MID1: variants seen among roughly 807,000 people sequenced by gnomAD.
MID1 encodes E3 ubiquitin-protein ligase Midline-1.
In MID1, 7 loss-of-function variants were observed where a neutral mutation model predicts 40.4. The ratio of observed to expected loss-of-function variants is 0.17; its 90% CI spans 0.10 to 0.33. The LOEUF (loss-of-function observed/expected upper bound fraction) is 0.33, where lower values mean the gene tolerates loss of function less well. Ranked by LOEUF, MID1 falls within the 10% of genes least tolerant of loss-of-function variation. The pLI is 1.00. For missense variants in MID1, 367 were observed against 558.5 expected (o/e 0.66, Z 3.46); for synonymous variants, 229 against 221.2 (o/e 1.04, Z -0.31).
chrX:10,724,580 T>C (rs1482030654), intron 1 of MID1, among the ~76,000 whole-genome samples: 1 of 112,225 alleles, frequency 8.9e-6, no homozygotes, highest in African/African-American at 3.2e-5. Flanking sequence ...GAGGGCAAGA[T>C]CTTTCCCAAC....
At chrX:10,779,016 T>C (rs974598096) in intron 1 of MID1, among the ~76,000 whole-genome samples, 2 of 112,381 alleles carry the variant, frequency 1.8e-5, no homozygotes, top group Non-Finnish European at 3.8e-5. Flanking sequence ...GTGCAGCACA[T>C]AGGTCATGGC....
At chrX:10,582,092 T>A (rs1007288513) in intron 1 of MID1, among the ~76,000 whole-genome samples, 6 of 111,647 alleles carry the variant, frequency 5.4e-5, no homozygotes, top group African/African-American at 9.8e-5. Flanking sequence ...GTTCTGTTGG[T>A]TCCCCTTGTT....
chrX:10,763,995 C>G (rs2043701469), intron 1 of MID1, among the ~76,000 whole-genome samples: 1 of 111,475 alleles, frequency 9.0e-6, no homozygotes, highest in African/African-American at 3.3e-5. Flanking sequence ...TATCCTTCAC[C>G]CACTTGTTGA....
At chrX:10,614,126 A>G (rs1935800483) in intron 1 of MID1, among the ~76,000 whole-genome samples, 1 of 110,930 alleles carries the variant, frequency 9.0e-6, no homozygotes, top group African/African-American at 3.3e-5. Flanking sequence ...AAGCAGACAA[A>G]CGAGTAGAAA....
intron 1 of MID1, among the ~76,000 whole-genome samples, chrX:10,689,559 A>G (rs184662475): frequency 9.0e-6 from 1 of 111,567 alleles, no homozygotes; most frequent in Admixed American, 9.6e-5. Flanking sequence ...ACCTACATTT[A>G]TATCTATACC....
intron 1 of MID1, among the ~76,000 whole-genome samples, chrX:10,715,860 G>A (rs1292577137): frequency 9.0e-6 from 1 of 111,445 alleles, no homozygotes; most frequent in Non-Finnish European, 1.9e-5. Flanking sequence ...CCAGAGGAGC[G>A]ATCAGGCAGC....
At chrX:10,817,778 C>T (rs1602596066) in intron 1 of MID1, among the ~76,000 whole-genome samples, 1 of 109,331 alleles carries the variant, frequency 9.1e-6, no homozygotes, top group East Asian at 2.9e-4. Flanking sequence ...CGCCACCACG[C>T]CTGGCAATTT....
At chrX:10,479,531 A>G (rs1930204223) in intron 5 of MID1, among the ~76,000 whole-genome samples, 1 of 108,912 alleles carries the variant, frequency 9.2e-6, no homozygotes, top group Non-Finnish European at 1.9e-5. Flanking sequence ...CCATCCTTCT[A>G]CTCTCTATGT....
chrX:10,681,754 T>C (rs1215526029), intron 1 of MID1, among the ~76,000 whole-genome samples: 1 of 111,516 alleles, frequency 9.0e-6, no homozygotes, highest in East Asian at 2.8e-4. Flanking sequence ...GTTGCTGTTG[T>C]CATTTTGGAG....
intron 1 of MID1, among the ~76,000 whole-genome samples, chrX:10,593,762 G>GACACACAC (rs57390547): frequency 0.05 from 4,183 of 83,247 alleles, 135 homozygotes; most frequent in African/African-American, 0.09. Context: ...CTGTCCCTCT[G>GACACACAC]ACACACACAC....
intron 1 of MID1, among the ~76,000 whole-genome samples, chrX:10,794,921 T>A (rs2043958104): frequency 8.9e-6 from 1 of 111,845 alleles, no homozygotes; most frequent in African/African-American, 3.3e-5. Flanking sequence ...TTTACACATA[T>A]ACTGAGCCAA....
intron 1 of MID1, among the ~76,000 whole-genome samples, chrX:10,752,466 A>G (rs1246231718): frequency 8.9e-6 from 1 of 112,077 alleles, no homozygotes; most frequent in East Asian, 2.8e-4. Context: ...TGGGATAATC[A>G]TAATACCTGT....
chrX:10,469,930 T>A lies in MID1; in HGVS notation c.1142-90A>T, dbSNP rs1233413072. 7.2e-6 allele frequency: 6 copies of A among 839,088 alleles called. No homozygotes were observed. The Admixed American group carries it at 1.4e-4, about 19-fold the overall frequency. The allele number at this position is 839,088 out of a possible 1,213,427, so 69.2% of individuals were successfully genotyped here. A position where few individuals can be genotyped will look rare whatever the true frequency, so the allele number is the denominator to read the frequency against. ...GATGTTTGACAGTTAAGCAGGTCCT[T>A]CTCAATAGGTCCATCAGGACTACTA... On this transcript the variant is annotated intron_variant, in intron 6 of 9. Coordinates refer to ENST00000317552, the MANE Select transcript of MID1 (RefSeq NM_000381.4).
At chrX:10,622,096 T>C (rs1935941304), upstream of MID1, among the ~76,000 whole-genome samples, 1 of 108,621 alleles carries the variant, frequency 9.2e-6, no homozygotes, top group Admixed American at 9.9e-5. Context: ...AAAATGCAAA[T>C]CTCCAGGCCC....
At chrX:10,799,703 G>C (rs887794285) in intron 1 of MID1, among the ~76,000 whole-genome samples, 15 of 105,178 alleles carry the variant, frequency 1.4e-4, no homozygotes, top group African/African-American at 5.7e-4. Context: ...GGGAGGTGAA[G>C]GGATATTAAC....
intron 1 of MID1, among the ~76,000 whole-genome samples, chrX:10,711,033 G>A (rs777471539): frequency 9.0e-6 from 1 of 111,251 alleles, no homozygotes; most frequent in African/African-American, 3.3e-5. Context: ...CCTCAATGAT[G>A]GCACTATGGT....
At chrX:10,773,630 T>C (rs2043784333) in intron 1 of MID1, among the ~76,000 whole-genome samples, 1 of 112,430 alleles carries the variant, frequency 8.9e-6, no homozygotes, top group Admixed American at 9.4e-5. Flanking sequence ...TTTCCCCTGG[T>C]TACATTTTAT....
At chrX:10,665,796 A>G (rs765633864) in intron 1 of MID1, among the ~76,000 whole-genome samples, 1 of 110,539 alleles carries the variant, frequency 9.0e-6, no homozygotes, top group Non-Finnish European at 1.9e-5. Flanking sequence ...CCAAAGTGCC[A>G]GGATTATAGG....
rs1251273723 is a variant in MID1 at position 10,448,447 on chromosome X, C to T, written c.*921G>A. The T allele has an allele frequency of 2.7e-5, 3 of 110,194 alleles. No individual in the cohort carries two copies. Among genetic ancestry groups the T allele is most frequent in the South Asian group, 3.9e-4 (1 of 2,564 alleles). 9.1% of individuals were successfully genotyped at this position (110,194 alleles called of 1,213,427 possible). ...CAAAAGGAAAATTGATATGGGGGAG[C>T]GGGAAATAGGAGAACTATTAAATGT... On this transcript the variant is annotated 3_prime_UTR_variant, in exon 10 of 10. Transcript: ENST00000317552.
Sources: allele counts gnomAD v4.1 joint callset (sites outside exome capture counted in the v4.1 genomes callset), GRCh38; gene constraint gnomAD v4.1.1; transcripts MANE v1.5; gene names NCBI Gene and HGNC (gene_info 2026-07-23, HGNC 2026-07-21).